The following FYB1 variants were observed in gnomAD, a reference collection of about 807,000 sequenced individuals.
FYB1 encodes FYN binding protein 1.
FYB1 carries 41 observed loss-of-function variants against 94.1 expected under a neutral mutation model. That is an observed-to-expected ratio of 0.44 (90% CI 0.34 to 0.57). FYB1 has a LOEUF of 0.57. Ranked by LOEUF, FYB1 falls within the 20% of genes least tolerant of loss-of-function variation. The pLI is 0.02. For synonymous variants in FYB1, 367 were observed against 353.2 expected, an observed-to-expected ratio of 1.04 and a Z score of -0.44; for missense variants, 1,050 against 976.8, an observed-to-expected ratio of 1.07 and a Z score of -1.00.
At chr5:39,141,225 G>T in intron 3 of FYB1, 84 bp from the exon 4 acceptor site, 1 of 951,152 alleles carries the variant, frequency 1.1e-6, no homozygotes. Flanking sequence ...ATTATTTCAT[G>T]AATTGTTCTT....
At position 39,202,374 on chromosome 5, in the gene FYB1, G is replaced by T. The variant is rs865916602; in HGVS notation, c.587C>A (p.Pro196His). Residue 196 changes from proline to histidine, a missense_variant, in exon 2 of 19, where the codon CCC becomes CAC. Pro to His is a moderately conservative substitution (Grantham distance 77). Transcript: ENST00000512982. ...DLEPKPLFPK[P>H]AFGQKPPLST... ...TAGGGGCGGCTTCTGGCCAAAGGCG[G>T]GTTTGGGGAAGAGGGGCTTGGGTTC... The T allele has an allele frequency of 2.5e-6, 4 of 1,613,996 alleles. No homozygotes were observed. Among genetic ancestry groups the T allele is most frequent in the South Asian group, 1.1e-5 (1 of 91,078 alleles).
intron 2 of FYB1, among the ~76,000 whole-genome samples, chr5:39,168,160 A>T (rs192276138): frequency 2.0e-5 from 3 of 152,168 alleles, no homozygotes; most frequent in African/African-American, 7.2e-5. Context: ...TTTTTTTCAA[A>T]AACTTTTAGC....
chr5:39,179,558 T>A lies in FYB1; in HGVS notation c.1135+22268A>T, dbSNP rs558516054. Among the ~76,000 whole-genome samples the A allele has an allele frequency of 6.6e-5, 10 of 151,364 alleles. No individual in the cohort carries two copies. The South Asian group carries it at 2.1e-3, about 32-fold the overall frequency. Reference sequence around the variant, plus strand: ...CTTTTCTTCTTTTTTCTTTTTTTTTTTTTTTGAGACAGAGTGTTGCTCAGT... The same window carrying A: ...CTTTTCTTCTTTTTTCTTTTTTTTTATTTTTGAGACAGAGTGTTGCTCAGT... On this transcript the variant is annotated intron_variant, in intron 2 of 18. Coordinates refer to ENST00000512982, the MANE Select transcript of FYB1 (RefSeq NM_001465.6).
intron 3 of FYB1, among the ~76,000 whole-genome samples, chr5:39,145,125 C>T (rs140275432): frequency 1.3e-5 from 2 of 152,050 alleles, no homozygotes; most frequent in African/African-American, 4.8e-5. Flanking sequence ...CGTGGAGGCT[C>T]GTTATACTAT....
chr5:39,175,529 C>G (rs1271094933), intron 2 of FYB1, among the ~76,000 whole-genome samples: 1 of 152,194 alleles, frequency 6.6e-6, no homozygotes, highest in Non-Finnish European at 1.5e-5. Context: ...AGTGACAAAA[C>G]TTGCTGTGAA....
chr5:39,198,480 C>T (rs1208264268), intron 2 of FYB1, among the ~76,000 whole-genome samples: 2 of 151,984 alleles, frequency 1.3e-5, no homozygotes, highest in African/African-American at 4.8e-5. Context: ...AGTTAAAATC[C>T]CATGTACATA....
At chr5:39,190,249 A>G (rs533459762) in intron 2 of FYB1, among the ~76,000 whole-genome samples, 65 of 152,242 alleles carry the variant, frequency 4.3e-4, no homozygotes, top group Non-Finnish European at 8.2e-4. Flanking sequence ...GAGATTTGCA[A>G]TGATGGTTGA....
chr5:39,191,277 G>T (rs920868023), intron 2 of FYB1, among the ~76,000 whole-genome samples: 1 of 152,154 alleles, frequency 6.6e-6, no homozygotes, highest in African/African-American at 2.4e-5. Context: ...GAAGAGAAGC[G>T]TGTCCCTCTT....
At chr5:39,268,857 G>A (rs980306859) in intron 1 of FYB1, among the ~76,000 whole-genome samples, 3 of 151,150 alleles carry the variant, frequency 2.0e-5, no homozygotes, top group Non-Finnish European at 4.4e-5. Context: ...GAGCCACCAC[G>A]CCCAGCCATG....
At chr5:39,173,030 C>T (rs991754623) in intron 2 of FYB1, among the ~76,000 whole-genome samples, 10 of 152,182 alleles carry the variant, frequency 6.6e-5, no homozygotes, top group Non-Finnish European at 1.2e-4. Context: ...CTCCAAGCTA[C>T]TTTCCACCGT....
At chr5:39,187,865 TA>T (rs1209356513) in intron 2 of FYB1, among the ~76,000 whole-genome samples, 4 of 152,112 alleles carry the variant, frequency 2.6e-5, no homozygotes, top group Middle Eastern at 6.8e-3. Context: ...TAATGAATAG[TA>T]ATTATATGTG....
At chr5:39,112,800 T>A (rs1442461989) in intron 16 of FYB1, among the ~76,000 whole-genome samples, 1 of 152,082 alleles carries the variant, frequency 6.6e-6, no homozygotes, top group African/African-American at 2.4e-5. Flanking sequence ...CCCTCCTATA[T>A]CTGTGTGTTC....
chr5:39,202,076 G>A lies in FYB1; in HGVS notation c.885C>T (p.Phe295=). 6.2e-7 allele frequency: 1 copy of A among 1,614,024 alleles called. No homozygotes were observed. Among genetic ancestry groups the A allele is most frequent in the Middle Eastern group, 1.6e-4 (1 of 6,062 alleles). Residue 295 remains phenylalanine (F), a synonymous_variant, in exon 2 of 19, where the codon TTC becomes TTT. Coordinates refer to ENST00000512982, the MANE Select transcript of FYB1 (RefSeq NM_001465.6). ...ACTCTTCCTGATTTATTTTGCTCTGGAAGGTGTTCTTAGCAGCATCTATCT... is the reference window on the plus strand; with the variant it reads ...ACTCTTCCTGATTTATTTTGCTCTGAAAGGTGTTCTTAGCAGCATCTATCT... ...DRKIDAAKNT[F]QSKINQEELA... is the part of the protein sequence containing the mutation.
intron 2 of FYB1, among the ~76,000 whole-genome samples, chr5:39,186,715 T>C (rs1431074522): frequency 6.7e-6 from 1 of 148,762 alleles, no homozygotes; most frequent in Non-Finnish European, 1.5e-5. Context: ...CTATTATTCA[T>C]CTATTTCCAT....
chr5:39,199,354 C>T (rs1748115585), intron 2 of FYB1, among the ~76,000 whole-genome samples: 3 of 152,054 alleles, frequency 2.0e-5, no homozygotes, highest in African/African-American at 7.2e-5. Flanking sequence ...GTGGCAGGAT[C>T]AAGAGTCAGC....
chr5:39,133,786 C>A (rs1183248619), intron 9 of FYB1, among the ~76,000 whole-genome samples: 2 of 151,932 alleles, frequency 1.3e-5, no homozygotes, highest in Admixed American at 6.6e-5. Context: ...CCATAAAAAT[C>A]ATTTTTTGTC....
chr5:39,260,559 C>A (rs1752169241), intron 1 of FYB1, among the ~76,000 whole-genome samples: 1 of 152,050 alleles, frequency 6.6e-6, no homozygotes, highest in Non-Finnish European at 1.5e-5. Context: ...AAGGAGGTGA[C>A]AATTTTAAAT....
At chr5:39,234,964 G>T (rs1444884789) in intron 1 of FYB1, among the ~76,000 whole-genome samples, 3 of 151,556 alleles carry the variant, frequency 2.0e-5, no homozygotes, top group Admixed American at 6.6e-5. Flanking sequence ...CTAGATGATG[G>T]GTTGATGGGT....
At chr5:39,110,046 A>T (rs1738912959) in intron 17 of FYB1, among the ~76,000 whole-genome samples, 1 of 152,144 alleles carries the variant, frequency 6.6e-6, no homozygotes, top group South Asian at 2.1e-4. Context: ...CAAAATATTG[A>T]TGAAAAGGTT....
Sources: allele counts gnomAD v4.1 joint callset (sites outside exome capture counted in the v4.1 genomes callset), GRCh38; gene constraint gnomAD v4.1.1; transcripts MANE v1.5; gene names NCBI Gene and HGNC (gene_info 2026-07-23, HGNC 2026-07-21).